FBXL13: variants seen among roughly 807,000 people sequenced by gnomAD.
FBXL13 encodes the protein F-box and leucine rich repeat protein 13, also known as F-box and leucine-rich repeat protein 13.
A neutral mutation model predicts 83.6 loss-of-function variants in FBXL13; 67 were observed. The observed-to-expected ratio is 0.80, with a 90% CI of 0.66 to 0.98. FBXL13 has a LOEUF of 0.98. Among genes scored for constraint, FBXL13 ranks in the 50% least tolerant of loss-of-function variants. The probability of loss-of-function intolerance (pLI) is 0.00; values close to 1 mark genes in which losing one functional copy is unlikely to be tolerated. For missense variants in FBXL13, 822 were observed against 866.5 expected (o/e 0.95, Z 0.64); for synonymous variants, 272 against 299.5 (o/e 0.91, Z 0.95).
intron 9 of FBXL13, among the ~76,000 whole-genome samples, chr7:102,927,874 C>G (rs1404819469): frequency 6.6e-6 from 1 of 152,214 alleles, no homozygotes. Flanking sequence ...CAATGAAAAT[C>G]TGTCTTTGAA....
intron 6 of FBXL13, among the ~76,000 whole-genome samples, chr7:103,016,356 A>T (rs1457016939): frequency 1.3e-5 from 2 of 151,898 alleles, no homozygotes; most frequent in Admixed American, 1.3e-4. Flanking sequence ...GCCGAATAGG[A>T]ACAGCTCCTA....
At chr7:102,903,462 T>G (rs1038741166) in intron 11 of FBXL13, among the ~76,000 whole-genome samples, 30 of 152,104 alleles carry the variant, frequency 2.0e-4, no homozygotes, top group African/African-American at 7.0e-4. Flanking sequence ...TGAATAACAG[T>G]AGTGACAGTG....
At chr7:103,059,636 T>C (rs1296537061) in intron 1 of FBXL13, among the ~76,000 whole-genome samples, 1 of 152,160 alleles carries the variant, frequency 6.6e-6, no homozygotes, top group East Asian at 1.9e-4. Flanking sequence ...GCTTGTAAAT[T>C]CACAAAGCAA....
intron 7 of FBXL13, among the ~76,000 whole-genome samples, chr7:102,964,404 A>ATATATT (rs796873670): frequency 2.0e-4 from 29 of 143,290 alleles, no homozygotes; most frequent in East Asian, 1.9e-3. Flanking sequence ...ATATATATAT[A>ATATATT]TTTTTTTTTT....
In FBXL13 at chr7:103,027,682, T is replaced by C. The variant is rs1794089321; in HGVS notation, c.218-124A>G. On this transcript the variant is annotated intron_variant, in intron 4 of 19. Transcript: ENST00000313221. ...GTCGCATCTGATCGTTTTTGTTTGG[T>C]CTTATTTACACTTGAAATTAATTAC... The C allele has an allele frequency of 2.0e-5, 11 of 557,682 alleles. No individual in the cohort carries two copies. In the South Asian group the frequency reaches 3.7e-4, roughly 19 times the overall value. 34.5% of individuals were successfully genotyped at this position (557,682 alleles called of 1,614,324 possible).
chr7:102,963,005 AT>A (rs398005640), intron 8 of FBXL13, among the ~76,000 whole-genome samples: 3,208 of 129,490 alleles, frequency 0.025, 69 homozygotes, highest in African/African-American at 0.083. Context: ...ATATATATAT[AT>A]AAAAAAAAAA....
chr7:102,978,005 A>T (rs1827721263), intron 6 of FBXL13, among the ~76,000 whole-genome samples: 1 of 152,168 alleles, frequency 6.6e-6, no homozygotes, highest in Admixed American at 6.5e-5. Flanking sequence ...TTAAATGACG[A>T]ATTAATGGGT....
intron 6 of FBXL13, among the ~76,000 whole-genome samples, chr7:102,979,225 G>A (rs1827888208): frequency 6.6e-6 from 1 of 152,154 alleles, no homozygotes; most frequent in South Asian, 2.1e-4. Context: ...AGATTCCAAG[G>A]TGTCAGGAAG....
intron 19 of FBXL13, among the ~76,000 whole-genome samples, chr7:102,818,827 C>T (rs917966380): frequency 2.0e-5 from 3 of 152,094 alleles, no homozygotes; most frequent in Admixed American, 6.6e-5. Context: ...AGTACATGTA[C>T]AAGATGTACA....
chr7:102,908,782 CTGGTGGTAGAG>C (rs1814168040), intron 11 of FBXL13, among the ~76,000 whole-genome samples: 3 of 152,234 alleles, frequency 2.0e-5, no homozygotes, highest in Non-Finnish European at 4.4e-5. Context: ...CCACCCAAAA[CTGGTGGTAGAG>C]TGAAACAAGC....
intron 2 of FBXL13, among the ~76,000 whole-genome samples, chr7:103,037,995 C>T (rs1239421717): frequency 2.0e-5 from 3 of 152,126 alleles, no homozygotes; most frequent in Admixed American, 2.0e-4. Context: ...CAGGGTAGGG[C>T]ATCGCCTCAC....
At chr7:103,036,132 C>T (rs1471127863) in intron 2 of FBXL13, among the ~76,000 whole-genome samples, 2 of 152,182 alleles carry the variant, frequency 1.3e-5, no homozygotes, top group Non-Finnish European at 2.9e-5. Context: ...GAGAATCTAA[C>T]TAATGCCTGA....
chr7:103,041,416 C>T (rs1795680430), intron 2 of FBXL13, among the ~76,000 whole-genome samples: 1 of 152,176 alleles, frequency 6.6e-6, no homozygotes, highest in African/African-American at 2.4e-5. Flanking sequence ...GGTACCATTC[C>T]TTCTGAAATT....
chr7:102,909,384 C>T (rs2129468182), intron 11 of FBXL13, among the ~76,000 whole-genome samples: 1 of 152,236 alleles, frequency 6.6e-6, no homozygotes, highest in Non-Finnish European at 1.5e-5. Flanking sequence ...TGCCTCGGTG[C>T]TCTACCCTCC....
chr7:102,946,575 G>A (rs112023431), intron 8 of FBXL13, among the ~76,000 whole-genome samples: 1 of 130,304 alleles, frequency 7.7e-6, no homozygotes, highest in African/African-American at 2.8e-5. Context: ...ACAGGAAACA[G>A]AGAATGGGAA....
intron 18 of FBXL13, 23 bp downstream of exon 19, chr7:102,832,817 T>C (rs762868398): frequency 1.2e-6 from 2 of 1,613,790 alleles, no homozygotes; most frequent in East Asian, 2.2e-5. Flanking sequence ...TGGATGTGTT[T>C]GAGCCCTGAC....
intron 16 of FBXL13, among the ~76,000 whole-genome samples, chr7:102,871,425 A>G (rs1005090055): frequency 6.6e-6 from 1 of 151,834 alleles, no homozygotes; most frequent in South Asian, 2.1e-4. Context: ...TCACTTTGTC[A>G]CCCAGGCTGG....
In FBXL13 at chr7:103,053,949, C is replaced by T. The variant is rs531925160; in HGVS notation, c.-1+1695G>A. On this transcript the variant is annotated intron_variant, in intron 2 of 19. Coordinates refer to ENST00000313221, the Ensembl canonical transcript of FBXL13. ...CCACTGATTAGGATCCAGTGTTACT[C>T]TCCACCCATCCTTCTAAACAGATGC... Among the ~76,000 whole-genome samples the T allele has an allele frequency of 4.4e-4, 67 of 152,348 alleles. No individual in the cohort carries two copies. In the South Asian group the frequency reaches 0.013, roughly 30 times the overall value.
intron 6 of FBXL13, chr7:102,973,424 T>C: frequency 1.4e-6 from 1 of 707,500 alleles, no homozygotes. Flanking sequence ...ACATAGCAGT[T>C]ACATCAGACT....
Sources: allele counts gnomAD v4.1 joint callset (sites outside exome capture counted in the v4.1 genomes callset), GRCh38; gene constraint gnomAD v4.1.1; transcripts MANE v1.5; gene names NCBI Gene and HGNC (gene_info 2026-07-23, HGNC 2026-07-21).